Variants in NTM observed in about 807,000 individuals in gnomAD.
NTM encodes the protein neurotrimin.
NTM carries 13 observed loss-of-function variants against 42.1 expected under a neutral mutation model. The observed-to-expected ratio is 0.31, with a 90% CI of 0.20 to 0.49. The LOEUF (loss-of-function observed/expected upper bound fraction) is 0.49, where lower values mean the gene tolerates loss of function less well. Ranked by LOEUF, NTM falls within the 20% of genes least tolerant of loss-of-function variation. NTM has a pLI of 0.99. For missense variants in NTM, 373 were observed against 452.8 expected, an observed-to-expected ratio of 0.82 and a Z score of 1.60; for synonymous variants, 187 against 179.2, an observed-to-expected ratio of 1.04 and a Z score of -0.35.
In NTM at chr11:132,330,200, C is replaced by A. The variant is rs906303939; in HGVS notation, c.967+15C>A. Reference sequence around the variant, plus strand: ...CCCTTGGAAAGGTTTGTATATTTTTCAGACAGCTGCTGCCTTGGTGGGTGT... The same window carrying A: ...CCCTTGGAAAGGTTTGTATATTTTTAAGACAGCTGCTGCCTTGGTGGGTGT... On this transcript the variant is annotated intron_variant, in intron 8 of 8. Coordinates refer to ENST00000683400, the MANE Select transcript of NTM (RefSeq NM_001352005.2). The A allele has an allele frequency of 1.1e-5, 17 of 1,551,364 alleles. No homozygotes were observed. In the African/African-American group the frequency reaches 1.9e-4, roughly 17 times the overall value.
At chr11:131,811,085 C>T (rs536412945) in intron 1 of NTM, among the ~76,000 whole-genome samples, 1 of 152,206 alleles carries the variant, frequency 6.6e-6, no homozygotes, top group Non-Finnish European at 1.5e-5. Context: ...TTCCAATGTG[C>T]TTTCCTGAGT....
At chr11:131,639,942 C>T (rs907153423) in intron 1 of NTM, among the ~76,000 whole-genome samples, 3 of 151,056 alleles carry the variant, frequency 2.0e-5, no homozygotes, top group South Asian at 2.1e-4. Context: ...GGTGACAGAG[C>T]GAGACTCCGT....
intron 1 of NTM, among the ~76,000 whole-genome samples, chr11:131,443,354 GGGTGTAT>G (rs1949775180): frequency 6.6e-6 from 1 of 152,202 alleles, no homozygotes; most frequent in Non-Finnish European, 1.5e-5. Flanking sequence ...TAGAATGCCT[GGGTGTAT>G]GGTTGTATCA....
At chr11:131,929,490 C>G (rs190109566) in intron 2 of NTM, among the ~76,000 whole-genome samples, 7 of 147,576 alleles carry the variant, frequency 4.7e-5, no homozygotes, top group Non-Finnish European at 1.1e-4. Context: ...AACTTATTGC[C>G]CTTATAAAAA....
At chr11:131,997,966 G>A (rs1024169657) in intron 2 of NTM, among the ~76,000 whole-genome samples, 11 of 149,928 alleles carry the variant, frequency 7.3e-5, no homozygotes, top group Middle Eastern at 3.2e-3. Context: ...CTTCCTTTCC[G>A]CCCCTCCCCT....
intron 4 of NTM, among the ~76,000 whole-genome samples, chr11:132,255,981 A>G (rs911443403): frequency 1.3e-5 from 2 of 151,958 alleles, no homozygotes; most frequent in African/African-American, 4.8e-5. Flanking sequence ...ATAATAATAA[A>G]AATAGACATA....
At chr11:132,249,288 T>C (rs940023547) in intron 4 of NTM, among the ~76,000 whole-genome samples, 2 of 152,084 alleles carry the variant, frequency 1.3e-5, no homozygotes, top group Non-Finnish European at 2.9e-5. Context: ...GGTGTGTGTG[T>C]ATGTGTGTGT....
chr11:132,083,930 G>A (rs952079285), intron 2 of NTM, among the ~76,000 whole-genome samples: 4 of 151,442 alleles, frequency 2.6e-5, no homozygotes, highest in Non-Finnish European at 5.9e-5. Flanking sequence ...ACTTTAAATA[G>A]TTCAAAATAA....
intron 2 of NTM, among the ~76,000 whole-genome samples, chr11:132,067,901 T>C (rs548439517): frequency 6.6e-6 from 1 of 152,376 alleles, no homozygotes; most frequent in South Asian, 2.1e-4. Flanking sequence ...CATTTAGTCA[T>C]GTCCTTGATC....
intron 2 of NTM, among the ~76,000 whole-genome samples, chr11:132,028,974 C>G (rs1305871948): frequency 6.6e-6 from 1 of 152,116 alleles, no homozygotes; most frequent in African/African-American, 2.4e-5. Context: ...CTTGTGCACA[C>G]TGAACCTCCA....
chr11:131,841,425 T>G (rs2044229014), intron 1 of NTM, among the ~76,000 whole-genome samples: 1 of 152,196 alleles, frequency 6.6e-6, no homozygotes. Context: ...AGATCATTTT[T>G]GCACTCAAAG....
chr11:131,741,713 T>A (rs1376899659), intron 1 of NTM, among the ~76,000 whole-genome samples: 1 of 152,216 alleles, frequency 6.6e-6, no homozygotes, highest in Non-Finnish European at 1.5e-5. Flanking sequence ...TATTTTTACA[T>A]AATTTGTGAA....
intron 1 of NTM, among the ~76,000 whole-genome samples, chr11:131,808,284 C>A (rs985332474): frequency 6.6e-6 from 1 of 152,214 alleles, no homozygotes; most frequent in Non-Finnish European, 1.5e-5. Context: ...CTAAGATAAT[C>A]AGGAATTGAC....
At chr11:131,970,550 T>C (rs2063395873) in intron 2 of NTM, among the ~76,000 whole-genome samples, 1 of 152,244 alleles carries the variant, frequency 6.6e-6, no homozygotes, top group Admixed American at 6.5e-5. Context: ...AGGCAGCAGG[T>C]ACAGTTAAAC....
At chr11:131,855,118 A>G (rs1172123713) in intron 1 of NTM, among the ~76,000 whole-genome samples, 1 of 152,154 alleles carries the variant, frequency 6.6e-6, no homozygotes, top group Non-Finnish European at 1.5e-5. Context: ...GCAATTCTAG[A>G]TCATCAGAAT....
intron 4 of NTM, among the ~76,000 whole-genome samples, chr11:132,245,463 C>T (rs1213039139): frequency 6.6e-6 from 1 of 151,944 alleles, no homozygotes; most frequent in Non-Finnish European, 1.5e-5. Context: ...ACCGGGGAGG[C>T]TGGTTGTCAG....
intron 7 of NTM, among the ~76,000 whole-genome samples, chr11:132,321,699 G>C (rs1478675655): frequency 2.0e-5 from 3 of 151,348 alleles, no homozygotes; most frequent in African/African-American, 7.3e-5. Context: ...TACTCCTCGA[G>C]AAGAGCAACT....
chr11:131,745,604 G>T (rs549482662), intron 1 of NTM, among the ~76,000 whole-genome samples: 3 of 152,170 alleles, frequency 2.0e-5, no homozygotes, highest in Non-Finnish European at 4.4e-5. Flanking sequence ...TGGAGTTGAA[G>T]TCCTGACTCA....
chr11:132,142,878 C>A (rs886553214), intron 2 of NTM, among the ~76,000 whole-genome samples: 2 of 152,152 alleles, frequency 1.3e-5, no homozygotes, highest in East Asian at 3.8e-4. Context: ...CCGTTTCTGT[C>A]AATTTTCAAT....
Sources: allele counts gnomAD v4.1 joint callset (sites outside exome capture counted in the v4.1 genomes callset), GRCh38; gene constraint gnomAD v4.1.1; transcripts MANE v1.5; gene names NCBI Gene and HGNC (gene_info 2026-07-23, HGNC 2026-07-21).